The following CDKL5 variants were observed in gnomAD, a reference collection of about 807,000 sequenced individuals.
CDKL5 encodes cyclin-dependent kinase-like 5.
A neutral mutation model predicts 61.7 loss-of-function variants in CDKL5; 8 were observed. The observed-to-expected ratio is 0.13, with a 90% CI of 0.08 to 0.23. The LOEUF (loss-of-function observed/expected upper bound fraction) is 0.23, where lower values mean the gene tolerates loss of function less well. Ranked by LOEUF, CDKL5 falls within the 10% of genes least tolerant of loss-of-function variation. The pLI, the probability that CDKL5 is intolerant of heterozygous loss-of-function variation, is 1.00. For missense variants in CDKL5, 440 were observed against 734.5 expected, an observed-to-expected ratio of 0.60 and a Z score of 4.63; for synonymous variants, 275 against 272.3, an observed-to-expected ratio of 1.01 and a Z score of -0.10.
At chrX:18,434,062 A>G (rs1362300653) in intron 1 of CDKL5, among the ~76,000 whole-genome samples, 1 of 111,346 alleles carries the variant, frequency 9.0e-6, no homozygotes, top group Non-Finnish European at 1.9e-5. Context: ...TGCCTGCATC[A>G]TTTTCTTCTT....
intron 3 of CDKL5, among the ~76,000 whole-genome samples, chrX:18,537,238 G>T (rs1030153398): frequency 3.6e-5 from 4 of 111,671 alleles, no homozygotes; most frequent in African/African-American, 1.3e-4. Context: ...GTGCCTATTG[G>T]ATACTACAAA....
chrX:18,525,167 T>C lies in CDKL5; in HGVS notation c.99+14313T>C, dbSNP rs556155209. 3.4e-3 allele frequency among the ~76,000 whole-genome samples: 381 copies of C among 111,792 alleles called. 2 individuals carry two copies. In the Middle Eastern group the frequency reaches 0.042, roughly 12 times the overall value. On this transcript the variant is annotated intron_variant, in intron 3 of 17. Coordinates refer to ENST00000623535, the MANE Select transcript of CDKL5 (RefSeq NM_001323289.2). ...CAGGCTGGAGTGCAGTGGCGCAATC[T>C]TGGCTCACTGCAACCTCCACATCCT... is the stretch of plus-strand genomic sequence containing the variant.
intron 8 of CDKL5, among the ~76,000 whole-genome samples, chrX:18,587,266 A>G (rs2050640333): frequency 9.0e-6 from 1 of 111,127 alleles, no homozygotes; most frequent in African/African-American, 3.3e-5. Flanking sequence ...TTTATTAATA[A>G]CAGCAACACT....
chrX:18,442,729 C>T (rs1348879828), intron 1 of CDKL5, among the ~76,000 whole-genome samples: 1 of 111,242 alleles, frequency 9.0e-6, no homozygotes. Flanking sequence ...CTCTTGACCT[C>T]GTGATCCGCC....
chrX:18,456,879 C>T lies in CDKL5; in HGVS notation c.-163+31184C>T, dbSNP rs147423808. 9.9e-4 allele frequency among the ~76,000 whole-genome samples: 110 copies of T among 111,051 alleles called. 1 individual carries two copies. The highest frequency in any genetic ancestry group is 3.2e-3 in the African/African-American group (98 of 30,610). On this transcript the variant is annotated intron_variant, in intron 1 of 17. Transcript: ENST00000623535. ...CTTCTTTCTTGCCCTTGGTGTAATG[C>T]GTTATTGTTTTAACCCTAACCCTGT...
intron 1 of CDKL5, among the ~76,000 whole-genome samples, chrX:18,427,869 C>T (rs932651302): frequency 3.4e-4 from 37 of 110,442 alleles, no homozygotes; most frequent in African/African-American, 1.2e-3. Context: ...ATGCAAGTTC[C>T]CTAAGTCTGC....
chrX:18,547,106 C>T (rs1237197895), intron 3 of CDKL5, among the ~76,000 whole-genome samples: 1 of 111,875 alleles, frequency 8.9e-6, no homozygotes, highest in Non-Finnish European at 1.9e-5. Flanking sequence ...TCTTTGTATT[C>T]CCAGTGCCTG....
At position 18,632,369 on chromosome X, in the gene CDKL5, G is replaced by A. The variant is rs1185817544; in HGVS notation, c.*3612G>A. The A allele has an allele frequency of 1.3e-6, 1 of 752,617 alleles. No homozygotes were observed. Among genetic ancestry groups the A allele is most frequent in the African/African-American group, 2.3e-5 (1 of 43,297 alleles). The allele number at this position is 752,617 out of a possible 1,213,427, so 62.0% of individuals were successfully genotyped here. On this transcript the variant is annotated 3_prime_UTR_variant, in exon 18 of 18. Transcript: ENST00000623535. ...TAGCATCCTTAGAAAATCTTTCATA[G>A]AGCCATGAGGCTTATATTTAGAAGC... is the stretch of plus-strand genomic sequence containing the variant.
intron 1 of CDKL5, among the ~76,000 whole-genome samples, chrX:18,469,996 C>T (rs1921025995): frequency 8.9e-6 from 1 of 111,789 alleles, no homozygotes; most frequent in Non-Finnish European, 1.9e-5. Flanking sequence ...ATGAAGCAGA[C>T]TTTTTAAAGA....
intron 8 of CDKL5, among the ~76,000 whole-genome samples, chrX:18,585,488 T>C (rs1925614638): frequency 8.9e-6 from 1 of 112,170 alleles, no homozygotes; most frequent in Non-Finnish European, 1.9e-5. Context: ...AAATGGCTAT[T>C]CAAACTAGCA....
chrX:18,456,843 G>T (rs1386995073), intron 1 of CDKL5, among the ~76,000 whole-genome samples: 1 of 110,427 alleles, frequency 9.1e-6, no homozygotes, highest in African/African-American at 3.3e-5. Flanking sequence ...ATTGCTTTTG[G>T]CCATTTTCCT....
At chrX:18,505,875 A>C (rs1922560236) in intron 1 of CDKL5, among the ~76,000 whole-genome samples, 2 of 112,810 alleles carry the variant, frequency 1.8e-5, no homozygotes, top group Admixed American at 1.9e-4. Context: ...ATTTTCAACC[A>C]CTAGTTTTAG....
intron 10 of CDKL5, among the ~76,000 whole-genome samples, chrX:18,595,977 G>A (rs1602280831): frequency 9.0e-6 from 1 of 111,196 alleles, no homozygotes; most frequent in East Asian, 2.8e-4. Context: ...TACTCTAAAA[G>A]CATTCTCAAA....
chrX:18,613,883 A>T (rs1454595056), intron 15 of CDKL5, among the ~76,000 whole-genome samples: 1 of 112,533 alleles, frequency 8.9e-6, no homozygotes, highest in Non-Finnish European at 1.9e-5. Flanking sequence ...TGATGTGGCA[A>T]CTTTTCTTAT....
intron 1 of CDKL5, among the ~76,000 whole-genome samples, chrX:18,456,953 T>A (rs1399976918): frequency 9.0e-6 from 1 of 111,208 alleles, no homozygotes; most frequent in African/African-American, 3.3e-5. Flanking sequence ...CAACACTTCA[T>A]CAGTATCCTT....
intron 3 of CDKL5, among the ~76,000 whole-genome samples, chrX:18,552,107 G>A (rs999402226): frequency 9.1e-6 from 1 of 109,380 alleles, no homozygotes; most frequent in Non-Finnish European, 1.9e-5. Flanking sequence ...GCATGGTGGC[G>A]TGTGCCTGTA....
Position 18,634,093 on chromosome X carries a change from T to G in CDKL5, c.*5336T>G, listed in dbSNP as rs1927313461. The G allele has an allele frequency of 1.3e-6, 1 of 752,300 alleles. No homozygotes were observed. The highest frequency in any genetic ancestry group is 1.6e-6 in the Non-Finnish European group (1 of 639,032). 62.0% of individuals were successfully genotyped at this position (752,300 alleles called of 1,213,427 possible). ...AAGCTCTCGAAACCCCATTTGATCC[T>G]TGGTTCCTATTTCGATCCTCCTTTG... On this transcript the variant is annotated 3_prime_UTR_variant, in exon 18 of 18. Coordinates refer to ENST00000623535, the MANE Select transcript of CDKL5 (RefSeq NM_001323289.2).
intron 3 of CDKL5, among the ~76,000 whole-genome samples, chrX:18,540,811 C>T (rs944536090): frequency 2.7e-5 from 3 of 109,443 alleles, no homozygotes; most frequent in African/African-American, 1.0e-4. Flanking sequence ...CCTCAGCCTC[C>T]CGAGTAGCTG....
At chrX:18,482,584 A>T (rs1324755709) in intron 1 of CDKL5, among the ~76,000 whole-genome samples, 4 of 110,970 alleles carry the variant, frequency 3.6e-5, no homozygotes, top group African/African-American at 1.3e-4. Context: ...ATTGAAGCAC[A>T]TTTGCTTTTC....
Sources: allele counts gnomAD v4.1 joint callset (sites outside exome capture counted in the v4.1 genomes callset), GRCh38; gene constraint gnomAD v4.1.1; transcripts MANE v1.5; gene names NCBI Gene and HGNC (gene_info 2026-07-23, HGNC 2026-07-21).